Variants in ZNF441 observed in about 807,000 individuals in gnomAD.
The protein encoded by ZNF441 is zinc finger protein 441.
Under a neutral mutation model 64.5 loss-of-function variants are expected in ZNF441, and 25 were observed. The ratio of observed to expected loss-of-function variants is 0.39; its 90% CI spans 0.28 to 0.54. The LOEUF (loss-of-function observed/expected upper bound fraction) is 0.54, where lower values mean the gene tolerates loss of function less well. Among genes scored for constraint, ZNF441 ranks in the 20% least tolerant of loss-of-function variants. The pLI is 0.70. For missense variants in ZNF441, 715 were observed against 843.3 expected (o/e 0.85, Z 1.88); for synonymous variants, 262 against 268.0 (o/e 0.98, Z 0.22).
rs1432865923 is a variant in ZNF441 at position 11,781,213 on chromosome 19, A to T, written c.1389A>T (p.Arg463=). ...CCTTCAGGTCTTCCAATTACATTCG[A>T]GTACATGAAAAGACTCACACTGGAG... ...GKAFRSSNYI[R]VHEKTHTGEK... The change falls in exon 4 of 4, where the codon CGA becomes CGT. Residue 463 remains arginine (R), a synonymous_variant. Transcript: ENST00000357901. 2 of 1,613,862 alleles carry T rather than the reference A, an allele frequency of 1.2e-6. No individual in the cohort carries two copies. The highest frequency in any genetic ancestry group is 2.2e-5 in the South Asian group (2 of 91,062).
At chr19:11,776,735 A>G (rs764606417) in intron 1 of ZNF441, among the ~76,000 whole-genome samples, 2 of 152,162 alleles carry the variant, frequency 1.3e-5, no homozygotes, top group African/African-American at 4.8e-5. Context: ...CTCTTAGTGT[A>G]GTCACATAGC....
chr19:11,769,081 T>C (rs1342360054), intron 1 of ZNF441, among the ~76,000 whole-genome samples: 1 of 152,078 alleles, frequency 6.6e-6, no homozygotes. Flanking sequence ...AAGGAGATGA[T>C]GGTATAAGGG....
At chr19:11,779,836 G>A (rs150803834) in intron 3 of ZNF441, among the ~76,000 whole-genome samples, 183 bp from the exon 4 acceptor site, 52 of 151,432 alleles carry the variant, frequency 3.4e-4, no homozygotes, top group African/African-American at 5.1e-4. Flanking sequence ...GTTTGAGTCC[G>A]GGAGGTGGAG....
At chr19:11,772,141 G>A (rs394542) in intron 1 of ZNF441, among the ~76,000 whole-genome samples, 52,181 of 151,938 alleles carry the variant, frequency 0.34, 9,257 homozygotes, top group Middle Eastern at 0.4. Flanking sequence ...CCCCCGTCCA[G>A]TGGACATGTG....
intron 1 of ZNF441, among the ~76,000 whole-genome samples, chr19:11,775,628 CTTT>C (rs34732395): frequency 2.7e-5 from 3 of 110,638 alleles, no homozygotes; most frequent in Non-Finnish European, 5.3e-5. Context: ...CGCGCCCAGC[CTTT>C]TTTTTTTTTT....
Position 11,781,407 on chromosome 19 carries a change from A to T in ZNF441, c.1583A>T (p.Glu528Val), listed in dbSNP as rs1288382347. The stretch of plus-strand genomic sequence containing the variant: ...AGACATGAAAGAATTCACACTGGGG[A>T]GAGACCCTATAAGTGTAAACTATGT... Reference protein sequence around the residue: ...FRRHERIHTGERPYKCKLCGK... With the variant: ...FRRHERIHTGVRPYKCKLCGK... Residue 528 changes from glutamate to valine, a missense_variant, in exon 4 of 4, where the codon GAG becomes GTG. Coordinates refer to ENST00000357901, the MANE Select transcript of ZNF441 (RefSeq NM_152355.3). The T allele has an allele frequency of 6.2e-7, 1 of 1,614,116 alleles. No individual in the cohort carries two copies.
At chr19:11,776,173 G>A (rs1975353796) in intron 1 of ZNF441, among the ~76,000 whole-genome samples, 1 of 152,114 alleles carries the variant, frequency 6.6e-6, no homozygotes, top group African/African-American at 2.4e-5. Context: ...AAATACAAAG[G>A]TGCAATAACT....
At chr19:11,776,457 G>T (rs1028679602) in intron 1 of ZNF441, among the ~76,000 whole-genome samples, 1 of 152,094 alleles carries the variant, frequency 6.6e-6, no homozygotes, top group African/African-American at 2.4e-5. Flanking sequence ...TTAGATGTTT[G>T]TGACTTCTAT....
At chr19:11,775,728 A>G (rs1038109231) in intron 1 of ZNF441, among the ~76,000 whole-genome samples, 3 of 150,362 alleles carry the variant, frequency 2.0e-5, no homozygotes, top group Admixed American at 6.6e-5. Context: ...CGCAGGTTCA[A>G]GCGATTCTTG....
At position 11,781,915 on chromosome 19, in the gene ZNF441, C is replaced by T; in HGVS notation, c.*9C>T. The T allele has an allele frequency of 6.4e-7, 1 of 1,563,968 alleles. No individual in the cohort carries two copies. Among genetic ancestry groups the T allele is most frequent in the Non-Finnish European group, 8.7e-7 (1 of 1,154,720 alleles). Reference sequence around the variant, plus strand: ...ATGAAATGACTCACTAGAGAAAACCCCTATGAGTGTTGAACATGTGAGAAA... The same window carrying T: ...ATGAAATGACTCACTAGAGAAAACCTCTATGAGTGTTGAACATGTGAGAAA... On this transcript the variant is annotated 3_prime_UTR_variant, in exon 4 of 4. Transcript: ENST00000357901.
intron 1 of ZNF441, among the ~76,000 whole-genome samples, chr19:11,772,260 G>A (rs1295435586): frequency 7.2e-5 from 11 of 152,262 alleles, no homozygotes; most frequent in African/African-American, 2.6e-4. Flanking sequence ...GCCACTACTG[G>A]TCTCCGCACA....
rs1252851376 is a variant in ZNF441, at chr19:11,780,263, G to A, written c.439G>A (p.Gly147Arg). ...GEKPYTHTQC[G>R]TAFSYQPCFQ... is the part of the protein sequence containing the mutation. ...GAAGCCATATACACATACACAATGT[G>A]GGACAGCTTTCAGTTATCAGCCCTG... Residue 147 changes from glycine (G) to arginine (R), a missense_variant, in exon 4 of 4, where the codon GGG becomes AGG. By Grantham distance (125) the Gly-to-Arg change is moderately radical. Transcript: ENST00000357901. The A allele has an allele frequency of 1.2e-6, 2 of 1,614,116 alleles. No homozygotes were observed. The highest frequency in any genetic ancestry group is 8.5e-7 in the Non-Finnish European group (1 of 1,180,004).
chr19:11,781,323 A>G lies in ZNF441; in HGVS notation c.1499A>G (p.Asp500Gly), dbSNP rs1975401373. The G allele has an allele frequency of 3.7e-6, 6 of 1,613,902 alleles. No homozygotes were observed. Among genetic ancestry groups the G allele is most frequent in the Non-Finnish European group, 5.1e-6 (6 of 1,179,996 alleles). Residue 500 changes from aspartate (D) to glycine (G), a missense_variant, in exon 4 of 4, where the codon GAT (aspartate) becomes GGT (glycine). Asp to Gly is a moderately conservative substitution (Grantham distance 94). Transcript: ENST00000357901. ...AGACACATGATAATGCACACTGGAG[A>G]TGGACCTCATAAATGTAAGATATGT... ...FQRHMIMHTG[D>G]GPHKCKICGK...
rs1029352356 is a variant in ZNF441, at chr19:11,782,475, T to A, written c.*569T>A. Reference sequence around the variant, plus strand: ...TAGATTACTTATAATACACAATGCATTGTAAATTCTGTATAAGTTGCTTTT... The same window carrying A: ...TAGATTACTTATAATACACAATGCAATGTAAATTCTGTATAAGTTGCTTTT... On this transcript the variant is annotated 3_prime_UTR_variant, in exon 4 of 4. Transcript: ENST00000357901. 2 of 152,230 alleles carry A rather than the reference T, an allele frequency of 1.3e-5. No individual in the cohort carries two copies. Among genetic ancestry groups the A allele is most frequent in the African/African-American group, 4.8e-5 (2 of 41,454 alleles). The allele number at this position is 152,230 out of a possible 1,614,324, so 9.4% of individuals were successfully genotyped here. A position where few individuals can be genotyped will look rare whatever the true frequency, so the allele number is the denominator to read the frequency against.
Position 11,767,225 on chromosome 19 carries a change from G to C in ZNF441, c.3+29G>C. The C allele has an allele frequency of 6.4e-7, 1 of 1,556,896 alleles. No homozygotes were observed. Among genetic ancestry groups the C allele is most frequent in the Non-Finnish European group, 8.7e-7 (1 of 1,150,132 alleles). On this transcript the variant is annotated intron_variant, in intron 1 of 3. Transcript: ENST00000357901. The surrounding 1 kb of genome is among the most constrained non-coding windows in gnomAD (Gnocchi z 5.1). ...AGTGTGTGAGGTCTGGTGTCCCGACGCGTGAGAGGAGAGACTGGTTGGAAC... is the reference window on the plus strand; with the variant it reads ...AGTGTGTGAGGTCTGGTGTCCCGACCCGTGAGAGGAGAGACTGGTTGGAAC...
rs912457696 is a variant in ZNF441, at chr19:11,782,976, G to A, written c.*1070G>A. The A allele has an allele frequency of 1.3e-5, 2 of 152,178 alleles. No individual in the cohort carries two copies. The highest frequency in any genetic ancestry group is 4.8e-5 in the African/African-American group (2 of 41,430). 9.4% of individuals were successfully genotyped at this position (152,178 alleles called of 1,614,324 possible). ...GACTATCTTACACTAAAAAGTAGCT[G>A]TGCAAAGTAAAGGGAACAACAAGAG... is the stretch of plus-strand genomic sequence containing the variant. On this transcript the variant is annotated 3_prime_UTR_variant, in exon 4 of 4. Coordinates refer to ENST00000357901, the MANE Select transcript of ZNF441 (RefSeq NM_152355.3).
chr19:11,778,072 C>T (rs752841310), intron 2 of ZNF441: 2 of 447,190 alleles, frequency 4.5e-6, no homozygotes, highest in Non-Finnish European at 7.9e-6. Flanking sequence ...ATAGAAAATA[C>T]AACATTACAA....
rs113738719 is a variant in ZNF441 at position 11,771,176 on chromosome 19, T to C, written c.3+3980T>C. 6.1e-3 allele frequency among the ~76,000 whole-genome samples: 887 copies of C among 145,974 alleles called. 10 individuals are homozygous for C. Among genetic ancestry groups the C allele is most frequent in the African/African-American group, 0.023 (830 of 36,342 alleles). ...AAAATGAATAAGCCCATAGGCAAGC[T>C]AACTCAGAAGAAAGGGGGGTTATGA... On this transcript the variant is annotated intron_variant, in intron 1 of 3. Transcript: ENST00000357901.
rs1320672495 is a variant in ZNF441, at chr19:11,767,881, C to A, written c.3+685C>A. Among the ~76,000 whole-genome samples, 1 of 152,278 alleles carries A rather than the reference C, an allele frequency of 6.6e-6. No homozygotes were observed. The highest frequency in any genetic ancestry group is 1.5e-5 in the Non-Finnish European group (1 of 68,016). ...CCTGACTCTTGGGGAGGCGGCCCCG[C>A]GAGGCAGCGGGGCTGAGGGCACCTG... is the stretch of plus-strand genomic sequence containing the variant. On this transcript the variant is annotated intron_variant, in intron 1 of 3. Coordinates refer to ENST00000357901, the MANE Select transcript of ZNF441 (RefSeq NM_152355.3). This position sits in a 1 kb window ranked among gnomAD's most constrained non-coding sequence, Gnocchi z 5.1.
Sources: gnomAD v4.1 joint callset for allele counts (sites outside exome capture counted in the v4.1 genomes callset) on GRCh38, gnomAD v4.1.1 for gene constraint, Gnocchi (gnomAD v3.1) non-coding constraint, MANE v1.5 for transcripts, NCBI Gene and HGNC (gene_info 2026-07-23, HGNC 2026-07-21) for gene names.